The following NPHP1 variants were observed in gnomAD, a reference collection of about 807,000 sequenced individuals.
NPHP1 encodes the protein nephrocystin 1, also known as nephrocystin-1.
In NPHP1, 70 loss-of-function variants were observed where a neutral mutation model predicts 90.4. The observed-to-expected ratio is 0.77, with a 90% CI of 0.64 to 0.95. The LOEUF (loss-of-function observed/expected upper bound fraction) is 0.95. Among genes scored for constraint, NPHP1 ranks in the 40% least tolerant of loss-of-function variants. The probability of loss-of-function intolerance (pLI) is 0.00; values close to 1 mark genes in which losing one functional copy is unlikely to be tolerated. For synonymous variants in NPHP1, 256 were observed against 271.7 expected, an observed-to-expected ratio of 0.94 and a Z score of 0.57; for missense variants, 764 against 795.9, an observed-to-expected ratio of 0.96 and a Z score of 0.48.
intron 10 of NPHP1, 106 bp from the exon 11 acceptor site, chr2:110,160,361 G>A: frequency 6.9e-6 from 6 of 864,798 alleles, no homozygotes; most frequent in South Asian, 1.7e-5. Context: ...TTTTAAAAAA[G>A]AAAAAATTTA....
chr2:110,132,203 G>A (rs1361561245), intron 16 of NPHP1, among the ~76,000 whole-genome samples: 1 of 152,170 alleles, frequency 6.6e-6, no homozygotes, highest in African/African-American at 2.4e-5. Flanking sequence ...GGTGGAACAT[G>A]GGAGGGTGTG....
At chr2:110,125,355 T>C (rs761297681) in intron 19 of NPHP1, 32 of 1,510,836 alleles carry the variant, frequency 2.1e-5, no homozygotes. Context: ...AAAAGAAATT[T>C]GATACACAAC....
intron 4 of NPHP1, among the ~76,000 whole-genome samples, chr2:110,170,368 C>G (rs973631589): frequency 6.6e-6 from 1 of 152,138 alleles, no homozygotes; most frequent in African/African-American, 2.4e-5. Flanking sequence ...TGCTGGGTGA[C>G]CTTGAGTAGG....
chr2:110,173,283 C>T (rs965585764), intron 4 of NPHP1, among the ~76,000 whole-genome samples: 2 of 152,116 alleles, frequency 1.3e-5, no homozygotes, highest in Non-Finnish European at 2.9e-5. Context: ...GTTTTAATGT[C>T]ATTCCAAGTC....
At chr2:110,166,132 C>T (rs1682712183) in intron 6 of NPHP1, among the ~76,000 whole-genome samples, 2 of 152,172 alleles carry the variant, frequency 1.3e-5, no homozygotes, top group African/African-American at 4.8e-5. Context: ...AAACAGCACT[C>T]ACTGATTGTT....
At chr2:110,196,817 T>C (rs897491203) in intron 2 of NPHP1, among the ~76,000 whole-genome samples, 40 of 152,118 alleles carry the variant, frequency 2.6e-4, no homozygotes, top group Non-Finnish European at 5.4e-4. Flanking sequence ...TGGAATACTA[T>C]GCAGCCATAA....
chr2:110,203,906 C>A (rs1175065639), intron 1 of NPHP1, among the ~76,000 whole-genome samples: 1 of 151,462 alleles, frequency 6.6e-6, no homozygotes, highest in African/African-American at 2.4e-5. Flanking sequence ...GTAGCTGGTA[C>A]TACTAGCATG....
chr2:110,152,433 A>G (rs1180949060), intron 11 of NPHP1, among the ~76,000 whole-genome samples: 1 of 152,048 alleles, frequency 6.6e-6, no homozygotes, highest in Non-Finnish European at 1.5e-5. Flanking sequence ...ATGTCAATGG[A>G]CCACAAATAG....
At chr2:110,169,766 C>T (rs763738774) in intron 5 of NPHP1, 40 bp downstream of exon 5, 3 of 1,382,028 alleles carry the variant, frequency 2.2e-6, no homozygotes, top group Non-Finnish European at 2.1e-6. Flanking sequence ...TAGGTATGGA[C>T]ATCGACCCTT....
intron 2 of NPHP1, among the ~76,000 whole-genome samples, chr2:110,199,975 G>T (rs552566656): frequency 2.6e-5 from 4 of 152,104 alleles, no homozygotes; most frequent in African/African-American, 9.7e-5. Flanking sequence ...TAATTATTAG[G>T]GGCCGGGCGC....
rs568103177 is a variant in NPHP1 at position 110,183,911 on chromosome 2, T to C, written c.144-4227A>G. On this transcript the variant is annotated intron_variant, in intron 2 of 19. Coordinates refer to ENST00000445609, the MANE Select transcript of NPHP1 (RefSeq NM_001128178.3). ...ATTGATCAAGTAATCGGAAATAAAATATTCCTCAGCAAATGAAAAAGAACT... is the reference window on the plus strand; with the variant it reads ...ATTGATCAAGTAATCGGAAATAAAACATTCCTCAGCAAATGAAAAAGAACT... 13 of 330,632 alleles carry C rather than the reference T, an allele frequency of 3.9e-5. 1 individual carries two copies. Among genetic ancestry groups the C allele is most frequent in the South Asian group, 3.1e-4 (12 of 38,722 alleles). 20.5% of individuals were successfully genotyped at this position (330,632 alleles called of 1,614,324 possible).
In NPHP1 at chr2:110,164,835, TCTAA is replaced by T. The variant is rs555350998; in HGVS notation, c.729-109_729-106del. The T allele has an allele frequency of 1.1e-4, 122 of 1,102,446 alleles. 1 individual carries two copies. In the African/African-American group the frequency reaches 1.7e-3, roughly 15 times the overall value. The allele number at this position is 1,102,446 out of a possible 1,614,324, so 68.3% of individuals were successfully genotyped here. A position where few individuals can be genotyped will look rare whatever the true frequency, so the allele number is the denominator to read the frequency against. ...GATAATCATCAGTAAGTTTTGAAAA[TCTAA>T]CAGTTTCCAGATGAAAACGAGGTAG... On this transcript the variant is annotated intron_variant, in intron 7 of 19. Transcript: ENST00000445609.
chr2:110,147,886 T>G, intron 13 of NPHP1, 30 bp downstream of exon 13: 1 of 1,265,940 alleles, frequency 7.9e-7, no homozygotes, highest in Non-Finnish European at 1.2e-6. Context: ...AACTGATACA[T>G]TAGAAAGCCT....
chr2:110,197,194 A>T (rs1008603700), intron 2 of NPHP1, among the ~76,000 whole-genome samples: 10 of 152,130 alleles, frequency 6.6e-5, no homozygotes, highest in African/African-American at 2.4e-4. Context: ...CTTAATACCT[A>T]GGTGATGGGA....
At position 110,147,900 on chromosome 2, in the gene NPHP1, C is replaced by A; in HGVS notation, c.1269+16G>T. Reference sequence around the variant, plus strand: ...TAACTGATACATTAGAAAGCCTTATCTTTCAACGGACATACATTGCGAATA... The same window carrying A: ...TAACTGATACATTAGAAAGCCTTATATTTCAACGGACATACATTGCGAATA... On this transcript the variant is annotated intron_variant, in intron 13 of 19. Transcript: ENST00000445609. 1 of 1,394,780 alleles carries A rather than the reference C, an allele frequency of 7.2e-7. No individual in the cohort carries two copies. The highest frequency in any genetic ancestry group is 1.0e-6 in the Non-Finnish European group (1 of 979,832). 86.4% of individuals were successfully genotyped at this position (1,394,780 alleles called of 1,614,324 possible).
intron 16 of NPHP1, among the ~76,000 whole-genome samples, chr2:110,131,999 A>G (rs1679819956): frequency 6.6e-6 from 1 of 152,186 alleles, no homozygotes; most frequent in African/African-American, 2.4e-5. Flanking sequence ...TTCGAGTCTC[A>G]ACCCTGTGTT....
rs3817140 is a variant in NPHP1 at position 110,161,464 on chromosome 2, A to G, written c.954+139T>C. The G allele has an allele frequency of 0.54, 335,336 of 616,316 alleles. 97,707 individuals are homozygous for G. Among genetic ancestry groups the G allele is most frequent in the Non-Finnish European group, 0.61 (210,536 of 343,840 alleles). The allele number at this position is 616,316 out of a possible 1,614,324, so 38.2% of individuals were successfully genotyped here. ...TCCAAATTCTGCCTTAGTTATAAAA[A>G]TATCGCTATTTTCAAAATTATCATA... On this transcript the variant is annotated intron_variant, in intron 10 of 19. Coordinates refer to ENST00000445609, the MANE Select transcript of NPHP1 (RefSeq NM_001128178.3).
chr2:110,172,946 TTTTC>T (rs763386312), intron 4 of NPHP1, among the ~76,000 whole-genome samples: 2 of 145,356 alleles, frequency 1.4e-5, no homozygotes, highest in African/African-American at 2.8e-5. Flanking sequence ...TAGTAATTTC[TTTTC>T]TTTTTCTTTT....
intron 2 of NPHP1, chr2:110,184,244 G>T: frequency 1.7e-6 from 1 of 579,924 alleles, no homozygotes. Flanking sequence ...TCAAAGCCAA[G>T]GAGCACCAAG....
Sources: allele counts gnomAD v4.1 joint callset (sites outside exome capture counted in the v4.1 genomes callset), GRCh38; gene constraint gnomAD v4.1.1; transcripts MANE v1.5; gene names NCBI Gene and HGNC (gene_info 2026-07-23, HGNC 2026-07-21).